The following CNTN4 variants were observed in gnomAD, a reference collection of about 807,000 sequenced individuals.
The protein encoded by CNTN4 is contactin-4.
A neutral mutation model predicts 122.5 loss-of-function variants in CNTN4; 77 were observed. The ratio of observed to expected loss-of-function variants is 0.63; its 90% CI spans 0.52 to 0.76. The LOEUF (loss-of-function observed/expected upper bound fraction) is 0.76, where lower values mean the gene tolerates loss of function less well. CNTN4 is among the 30% of genes least tolerant of loss of function. CNTN4 has a pLI of 0.00. For missense variants in CNTN4, 1,256 were observed against 1,259.1 expected (o/e 1.00, Z 0.04); for synonymous variants, 512 against 447.0 (o/e 1.15, Z -1.83).
intron 3 of CNTN4, among the ~76,000 whole-genome samples, chr3:2,565,096 A>G (rs1383428025): frequency 6.6e-6 from 1 of 152,108 alleles, no homozygotes; most frequent in Non-Finnish European, 1.5e-5. Context: ...TGATATTATG[A>G]TGGAAACGGT....
Position 3,043,637 on chromosome 3 carries a change from C to A in CNTN4, c.2744C>A (p.Ser915Tyr), listed in dbSNP as rs1427954830. 1 of 1,614,070 alleles carries A rather than the reference C, an allele frequency of 6.2e-7. No homozygotes were observed. The highest frequency in any genetic ancestry group is 8.5e-7 in the Non-Finnish European group (1 of 1,179,954). ...PGNIIWNSSD[S>Y]KIILNWDQVK... Reference sequence around the variant, plus strand: ...AACATCATATGGAATTCATCAGACTCCAAAATTATCCTGAATTGGGATCAA... The same window carrying A: ...AACATCATATGGAATTCATCAGACTACAAAATTATCCTGAATTGGGATCAA... The change falls in exon 23 of 25, where the codon TCC (serine) becomes TAC (tyrosine). Residue 915 changes from serine to tyrosine, a missense_variant. Ser to Tyr is a moderately radical substitution (Grantham distance 144). Coordinates refer to ENST00000418658, the MANE Select transcript of CNTN4 (RefSeq NM_175607.3).
intron 4 of CNTN4, among the ~76,000 whole-genome samples, chr3:2,592,180 C>A (rs2600301): frequency 1.1e-4 from 16 of 151,996 alleles, no homozygotes; most frequent in Admixed American, 6.6e-5. Flanking sequence ...TGTGCCCGGC[C>A]TTCATTAAAG....
intron 4 of CNTN4, among the ~76,000 whole-genome samples, chr3:2,688,903 A>G (rs729752): frequency 0.21 from 31,842 of 152,046 alleles, 4,007 homozygotes; most frequent in South Asian, 0.43. Context: ...CAATCTAGGA[A>G]CCATTAAGCT....
chr3:2,165,268 A>C lies in CNTN4; in HGVS notation c.-145+64629A>C, dbSNP rs147076709. The stretch of plus-strand genomic sequence containing the variant: ...AACCCAGGAGGCAGAGGTTGCAGTG[A>C]GCTGAGATCGCGCCATTGCACTCCA... On this transcript the variant is annotated intron_variant, in intron 2 of 24. Coordinates refer to ENST00000418658, the MANE Select transcript of CNTN4 (RefSeq NM_175607.3). Among the ~76,000 whole-genome samples the C allele has an allele frequency of 4.3e-3, 648 of 152,100 alleles. 4 individuals carry two copies. Among genetic ancestry groups the C allele is most frequent in the African/African-American group, 0.015 (622 of 41,524 alleles).
chr3:2,625,367 G>C (rs1306313518), intron 4 of CNTN4, among the ~76,000 whole-genome samples: 1 of 152,154 alleles, frequency 6.6e-6, no homozygotes, highest in African/African-American at 2.4e-5. Flanking sequence ...TACTTACAAA[G>C]TATACCTAAG....
At chr3:2,433,348 C>A (rs1420008190) in intron 3 of CNTN4, among the ~76,000 whole-genome samples, 2 of 152,150 alleles carry the variant, frequency 1.3e-5, no homozygotes, top group African/African-American at 4.8e-5. Flanking sequence ...CAGGTGATAG[C>A]TCATTGTGGT....
chr3:2,294,829 C>T (rs528597238), intron 2 of CNTN4, among the ~76,000 whole-genome samples: 1 of 151,974 alleles, frequency 6.6e-6, no homozygotes, highest in Non-Finnish European at 1.5e-5. Flanking sequence ...CCTCCCCTCT[C>T]CCCCAACCCC....
intron 4 of CNTN4, among the ~76,000 whole-genome samples, chr3:2,627,199 T>C (rs1273923571): frequency 6.6e-6 from 1 of 152,220 alleles, no homozygotes; most frequent in East Asian, 1.9e-4. Context: ...GGGCAAGGAC[T>C]ATGTATGTTG....
At chr3:2,782,468 T>TGTGTGC (rs1276659528) in intron 6 of CNTN4, among the ~76,000 whole-genome samples, 5 of 19,118 alleles carry the variant, frequency 2.6e-4, no homozygotes, top group African/African-American at 8.8e-4. Context: ...TCTTATTCTG[T>TGTGTGC]GTGTGTGTGT....
chr3:2,575,238 C>T (rs1425204166), intron 4 of CNTN4, among the ~76,000 whole-genome samples: 4 of 151,996 alleles, frequency 2.6e-5, no homozygotes, highest in Non-Finnish European at 5.9e-5. Context: ...TAAGGCCAGG[C>T]ACAGTGGCTC....
chr3:2,104,322 G>C (rs1284497975), intron 2 of CNTN4, among the ~76,000 whole-genome samples: 2 of 151,896 alleles, frequency 1.3e-5, no homozygotes, highest in African/African-American at 2.4e-5. Flanking sequence ...TGTGCTTACT[G>C]TCATGTTTTC....
intron 2 of CNTN4, among the ~76,000 whole-genome samples, chr3:2,233,188 A>G (rs1164218181): frequency 6.6e-6 from 1 of 152,062 alleles, no homozygotes; most frequent in Admixed American, 6.6e-5. Flanking sequence ...CCCCAAAGAG[A>G]AGCTAATAAT....
rs139424765 is a variant in CNTN4 at position 2,485,260 on chromosome 3, G to A, written c.-88-86156G>A. Among the ~76,000 whole-genome samples, 932 of 152,326 alleles carry A rather than the reference G, an allele frequency of 6.1e-3. 4 individuals carry two copies. Among genetic ancestry groups the A allele is most frequent in the Non-Finnish European group, 0.01 (704 of 68,018 alleles). On this transcript the variant is annotated intron_variant, in intron 3 of 24. Coordinates refer to ENST00000418658, the MANE Select transcript of CNTN4 (RefSeq NM_175607.3). The stretch of plus-strand genomic sequence containing the variant: ...CACCTCCCCCTGCTCCGCGGTGCCC[G>A]GTCCCATCGACTGCCCAAGGGCTGA...
chr3:2,507,737 A>C (rs1488623245), intron 3 of CNTN4, among the ~76,000 whole-genome samples: 2 of 147,282 alleles, frequency 1.4e-5, no homozygotes, highest in African/African-American at 4.9e-5. Context: ...TTTGTCTCAA[A>C]AAAAAAAAAA....
intron 6 of CNTN4, among the ~76,000 whole-genome samples, chr3:2,766,709 T>C (rs1393609915): frequency 6.6e-6 from 1 of 152,188 alleles, no homozygotes; most frequent in African/African-American, 2.4e-5. Context: ...CTTACTCATG[T>C]AACCAAATAC....
intron 2 of CNTN4, among the ~76,000 whole-genome samples, chr3:2,236,440 T>G (rs1056046417): frequency 6.6e-6 from 1 of 152,250 alleles, no homozygotes; most frequent in Admixed American, 6.5e-5. Context: ...TGAAAAGCCC[T>G]ATAAAGTGAA....
chr3:2,700,789 A>T (rs1417588967), intron 4 of CNTN4, among the ~76,000 whole-genome samples: 1 of 152,232 alleles, frequency 6.6e-6, no homozygotes, highest in East Asian at 1.9e-4. Context: ...TTTTGATGAA[A>T]ATGAAAGAAG....
intron 3 of CNTN4, among the ~76,000 whole-genome samples, chr3:2,459,919 C>T (rs1316167580): frequency 6.6e-6 from 1 of 152,048 alleles, no homozygotes; most frequent in African/African-American, 2.4e-5. Flanking sequence ...TGGAAGTTAT[C>T]ATTAATTTTA....
chr3:2,200,890 A>T (rs925453494), intron 2 of CNTN4, among the ~76,000 whole-genome samples: 3 of 152,072 alleles, frequency 2.0e-5, no homozygotes, highest in African/African-American at 7.2e-5. Flanking sequence ...AATTTTTTTG[A>T]CTCCACTACA....
Sources: gnomAD v4.1 joint callset for allele counts (sites outside exome capture counted in the v4.1 genomes callset) on GRCh38, gnomAD v4.1.1 for gene constraint, MANE v1.5 for transcripts, NCBI Gene and HGNC (gene_info 2026-07-23, HGNC 2026-07-21) for gene names.